Variants in ULK4 observed in about 807,000 individuals in gnomAD.
ULK4 encodes unc-51 like kinase 4.
A neutral mutation model predicts 160.6 loss-of-function variants in ULK4; 133 were observed. The ratio of observed to expected loss-of-function variants is 0.83; its 90% CI spans 0.72 to 0.96. The LOEUF (loss-of-function observed/expected upper bound fraction) is 0.96, where lower values mean the gene tolerates loss of function less well. Ranked by LOEUF, ULK4 falls within the 40% of genes least tolerant of loss-of-function variation. The pLI is 0.00. For missense variants in ULK4, 1,580 were observed against 1,499.5 expected (o/e 1.05, Z -0.89); for synonymous variants, 534 against 539.8 (o/e 0.99, Z 0.15).
chr3:41,715,242 T>A lies in ULK4; in HGVS notation c.2629A>T (p.Ile877Phe). ...TEEFLFSYGT[I>F]LSHIKSVDSG... ...GAAAATTTCGTGTTACTCACAAGAA[T>A]AGTTCCATAGCTGAAAAGAAACTCT... is the stretch of plus-strand genomic sequence containing the variant. Residue 877 changes from isoleucine (I) to phenylalanine (F), a missense_variant, in exon 25 of 37, where the codon ATT becomes TTT. By Grantham distance (21) the Ile-to-Phe change is conservative. Coordinates refer to ENST00000301831, the MANE Select transcript of ULK4 (RefSeq NM_017886.4). The A allele has an allele frequency of 6.2e-7, 1 of 1,613,016 alleles. No homozygotes were observed. The highest frequency in any genetic ancestry group is 2.2e-5 in the East Asian group (1 of 44,856).
At position 41,702,932 on chromosome 3, in the gene ULK4, C is replaced by T. The variant is rs181533224; in HGVS notation, c.2781+2125G>A. On this transcript the variant is annotated intron_variant, in intron 27 of 36. Coordinates refer to ENST00000301831, the MANE Select transcript of ULK4 (RefSeq NM_017886.4). ...GCAGCAGCACAACCTCAGCTCACTGCAACCTCCGCCTCCCAGGTTCAAGCG... is the reference window on the plus strand; with the variant it reads ...GCAGCAGCACAACCTCAGCTCACTGTAACCTCCGCCTCCCAGGTTCAAGCG... Among the ~76,000 whole-genome samples, 371 of 149,626 alleles carry T rather than the reference C, an allele frequency of 2.5e-3. 1 individual carries two copies. Among genetic ancestry groups the T allele is most frequent in the African/African-American group, 8.4e-3 (334 of 39,702 alleles).
chr3:41,557,873 G>T (rs1036317348), intron 32 of ULK4, among the ~76,000 whole-genome samples: 1 of 151,996 alleles, frequency 6.6e-6, no homozygotes, highest in African/African-American at 2.4e-5. Flanking sequence ...CACTTAGGAA[G>T]ACATAAACTT....
chr3:41,488,764 T>C (rs1028647447), intron 32 of ULK4, among the ~76,000 whole-genome samples: 1 of 152,320 alleles, frequency 6.6e-6, no homozygotes, highest in East Asian at 1.9e-4. Context: ...TCAAGTGTCT[T>C]AGCTATGAGA....
At chr3:41,401,908 C>G (rs1054880716) in intron 34 of ULK4, among the ~76,000 whole-genome samples, 2 of 152,178 alleles carry the variant, frequency 1.3e-5, no homozygotes, top group Non-Finnish European at 1.5e-5. Context: ...GAAAAATAAA[C>G]AGGGATGCTG....
intron 20 of ULK4, among the ~76,000 whole-genome samples, chr3:41,798,100 T>C (rs565674958): frequency 1.2e-4 from 18 of 152,118 alleles, no homozygotes; most frequent in Admixed American, 7.9e-4. Context: ...AAGCCCAAGA[T>C]AGAGTCAAAC....
At chr3:41,452,567 T>C (rs1575239926) in intron 34 of ULK4, among the ~76,000 whole-genome samples, 1 of 152,230 alleles carries the variant, frequency 6.6e-6, no homozygotes, top group South Asian at 2.1e-4. Context: ...TAATCATTTC[T>C]ATTTCCTAAT....
chr3:41,256,090 G>A (rs2078830207), intron 35 of ULK4, among the ~76,000 whole-genome samples: 1 of 152,154 alleles, frequency 6.6e-6, no homozygotes, highest in African/African-American at 2.4e-5. Context: ...AATATTCAAG[G>A]ATTGGAAGGC....
At chr3:41,291,166 T>C (rs1485182783) in intron 35 of ULK4, among the ~76,000 whole-genome samples, 12 of 152,102 alleles carry the variant, frequency 7.9e-5, no homozygotes. Context: ...CTGTCTTCAA[T>C]TCCTTCCTGA....
intron 31 of ULK4, among the ~76,000 whole-genome samples, chr3:41,580,171 A>G (rs1298012969): frequency 6.6e-6 from 1 of 152,170 alleles, no homozygotes; most frequent in East Asian, 1.9e-4. Flanking sequence ...GCCGCTGTGC[A>G]TGACAACAGA....
chr3:41,875,484 T>C (rs1471600271), intron 17 of ULK4, among the ~76,000 whole-genome samples: 5 of 152,034 alleles, frequency 3.3e-5, no homozygotes, highest in South Asian at 4.2e-4. Flanking sequence ...AATAAAAAAA[T>C]AGCTGGCCAT....
intron 34 of ULK4, among the ~76,000 whole-genome samples, chr3:41,438,108 TAA>T (rs11457444): frequency 2.0e-4 from 24 of 122,886 alleles, no homozygotes; most frequent in African/African-American, 3.6e-4. Flanking sequence ...TGTTTATTGT[TAA>T]AAAAAAAAAA....
intron 27 of ULK4, among the ~76,000 whole-genome samples, chr3:41,700,731 T>C (rs185199339): frequency 6.4e-4 from 98 of 152,254 alleles, no homozygotes; most frequent in Non-Finnish European, 1.3e-3. Context: ...CAACAAGATA[T>C]AACAGACACC....
At chr3:41,943,417 G>A (rs543096156) in intron 2 of ULK4, among the ~76,000 whole-genome samples, 8 of 151,952 alleles carry the variant, frequency 5.3e-5, no homozygotes, top group South Asian at 2.1e-4. Context: ...CCATATACAC[G>A]CACTTTCCAG....
chr3:41,884,610 T>C (rs1160416765), intron 16 of ULK4, among the ~76,000 whole-genome samples: 1 of 152,218 alleles, frequency 6.6e-6, no homozygotes, highest in Non-Finnish European at 1.5e-5. Flanking sequence ...TGATGAAAAC[T>C]GCACTCTTAT....
rs375964247 is a variant in ULK4 at position 41,948,991 on chromosome 3, T to C, written c.138+5631A>G. On this transcript the variant is annotated intron_variant, in intron 2 of 36. Transcript: ENST00000301831. ...AAGTAAAATTAACTCTGTTTGCAAA[T>C]GATGTGATTGATTTTATATGTAGAA... Among the ~76,000 whole-genome samples, 115 of 152,058 alleles carry C rather than the reference T, an allele frequency of 7.6e-4. 1 individual carries two copies. In the South Asian group the frequency reaches 0.022, roughly 29 times the overall value.
intron 35 of ULK4, among the ~76,000 whole-genome samples, chr3:41,261,172 T>C (rs577122644): frequency 3.3e-5 from 5 of 150,374 alleles, no homozygotes; most frequent in East Asian, 2.0e-4. Flanking sequence ...CTTTTACCTA[T>C]AGGATTAAAT....
At chr3:41,298,976 G>C (rs2079727743) in intron 35 of ULK4, among the ~76,000 whole-genome samples, 1 of 152,206 alleles carries the variant, frequency 6.6e-6, no homozygotes, top group South Asian at 2.1e-4. Flanking sequence ...AAAAATGGCT[G>C]CAATTATTCT....
intron 34 of ULK4, among the ~76,000 whole-genome samples, chr3:41,401,035 A>T (rs1331878737): frequency 6.6e-6 from 1 of 152,130 alleles, no homozygotes; most frequent in Non-Finnish European, 1.5e-5. Flanking sequence ...AATAGTCTAG[A>T]TACGCCTTAG....
intron 20 of ULK4, among the ~76,000 whole-genome samples, chr3:41,791,077 TAA>T (rs2040136214): frequency 6.6e-6 from 1 of 152,164 alleles, no homozygotes; most frequent in Admixed American, 6.5e-5. Context: ...ATAAAAAACA[TAA>T]AAAGACTTTG....
Sources: allele counts gnomAD v4.1 joint callset (sites outside exome capture counted in the v4.1 genomes callset), GRCh38; gene constraint gnomAD v4.1.1; transcripts MANE v1.5; gene names NCBI Gene and HGNC (gene_info 2026-07-23, HGNC 2026-07-21).